AASDHPPT: variants seen among roughly 807,000 people sequenced by gnomAD.
AASDHPPT encodes the protein L-aminoadipate-semialdehyde dehydrogenase-phosphopantetheinyl transferase.
AASDHPPT carries 23 observed loss-of-function variants against 36.4 expected under a neutral mutation model. The ratio of observed to expected loss-of-function variants is 0.63; its 90% CI spans 0.45 to 0.89. The LOEUF is 0.89. AASDHPPT is among the 40% of genes least tolerant of loss of function. AASDHPPT has a pLI of 0.00. For missense variants in AASDHPPT, 377 were observed against 378.2 expected, an observed-to-expected ratio of 1.00 and a Z score of 0.03; for synonymous variants, 115 against 128.0, an observed-to-expected ratio of 0.90 and a Z score of 0.68.
rs780744937 is a variant in AASDHPPT, at chr11:106,077,669, C to A, written c.-42C>A. On this transcript the variant is annotated 5_prime_UTR_variant, in exon 1 of 6. Transcript: ENST00000278618. ...GGGGGTGGGGCCACGTTTGCGTCCG[C>A]GCCATCAGGCCCGAGATAGCGGCGA... is the stretch of plus-strand genomic sequence containing the variant. 2.5e-6 allele frequency: 4 copies of A among 1,591,432 alleles called. No homozygotes were observed. Among genetic ancestry groups the A allele is most frequent in the Non-Finnish European group, 3.4e-6 (4 of 1,165,028 alleles).
intron 2 of AASDHPPT, among the ~76,000 whole-genome samples, chr11:106,087,318 C>G (rs920539029): frequency 6.6e-6 from 1 of 152,066 alleles, no homozygotes; most frequent in Non-Finnish European, 1.5e-5. Context: ...ATAAGCATTA[C>G]GGTGTACATA....
chr11:106,084,556 C>G (rs1239305521), intron 2 of AASDHPPT, among the ~76,000 whole-genome samples: 1 of 152,110 alleles, frequency 6.6e-6, no homozygotes, highest in African/African-American at 2.4e-5. Flanking sequence ...CCTCAGCCTC[C>G]CAAGTGCTAG....
In AASDHPPT at chr11:106,097,691, G is replaced by A. The variant is rs1861330950; in HGVS notation, c.*784G>A. ...GTCTCTCATTTGTTTTATCCATGAG[G>A]AAGATTTTTAACAAAAGCCTCCAGA... On this transcript the variant is annotated 3_prime_UTR_variant, in exon 6 of 6. Coordinates refer to ENST00000278618, the MANE Select transcript of AASDHPPT (RefSeq NM_015423.3). 6.6e-6 allele frequency: 1 copy of A among 152,118 alleles called. No homozygotes were observed. Among genetic ancestry groups the A allele is most frequent in the Non-Finnish European group, 1.5e-5 (1 of 68,004 alleles). The allele number at this position is 152,118 out of a possible 1,614,324, so 9.4% of individuals were successfully genotyped here.
chr11:106,082,981 A>AT (rs1236133151), intron 2 of AASDHPPT, among the ~76,000 whole-genome samples: 1 of 152,108 alleles, frequency 6.6e-6, no homozygotes, highest in African/African-American at 2.4e-5. Context: ...AAGGACCAGA[A>AT]TTTTCCCCCT....
At position 106,090,655 on chromosome 11, in the gene AASDHPPT, C is replaced by T. The variant is rs371166167; in HGVS notation, c.508C>T (p.Leu170=). ...AAGCTTTAAGGATGAGTGGACTCAG[C>T]TGGATATGTTTTATAGGAATTGGGT... ...IRSFKDEWTQ[L]DMFYRNWALK... is the part of the protein sequence containing the mutation. The change falls in exon 3 of 6, where the codon CTG becomes TTG. Residue 170 remains leucine, a synonymous_variant. Coordinates refer to ENST00000278618, the MANE Select transcript of AASDHPPT (RefSeq NM_015423.3). The T allele has an allele frequency of 1.3e-6, 2 of 1,591,332 alleles. No homozygotes were observed. The highest frequency in any genetic ancestry group is 1.7e-6 in the Non-Finnish European group (2 of 1,170,182).
At chr11:106,088,179 T>C (rs1049283668) in intron 2 of AASDHPPT, among the ~76,000 whole-genome samples, 21 of 152,158 alleles carry the variant, frequency 1.4e-4, no homozygotes, top group Admixed American at 1.3e-3. Context: ...TAATGAGTTA[T>C]GTGATTGCTT....
intron 1 of AASDHPPT, 32 bp from the exon 2 acceptor site, chr11:106,079,435 A>G (rs776159738): frequency 4.6e-6 from 7 of 1,535,722 alleles, no homozygotes; most frequent in Middle Eastern, 1.8e-4. Flanking sequence ...AGTAGACATC[A>G]GTACATACCA....
At chr11:106,085,600 C>T (rs1347988241) in intron 2 of AASDHPPT, among the ~76,000 whole-genome samples, 1 of 152,116 alleles carries the variant, frequency 6.6e-6, no homozygotes, top group African/African-American at 2.4e-5. Context: ...TGAAATGCCC[C>T]TCTAAATATC....
At chr11:106,090,420 G>T (rs939914061) in intron 2 of AASDHPPT, 137 bp from the exon 3 acceptor site, 4 of 613,634 alleles carry the variant, frequency 6.5e-6, no homozygotes, top group South Asian at 2.9e-5. Context: ...TTTTGTTTAG[G>T]ATTATTTTAA....
intron 2 of AASDHPPT, among the ~76,000 whole-genome samples, chr11:106,086,631 A>T (rs1861200956): frequency 1.3e-5 from 2 of 151,974 alleles, no homozygotes; most frequent in South Asian, 4.2e-4. Flanking sequence ...TCCAGCATTA[A>T]CTCTAAATCT....
chr11:106,084,381 G>A (rs1021659289), intron 2 of AASDHPPT, among the ~76,000 whole-genome samples: 1 of 152,122 alleles, frequency 6.6e-6, no homozygotes, highest in Non-Finnish European at 1.5e-5. Flanking sequence ...AATTAATGGT[G>A]GATGCATTCT....
At chr11:106,094,928 C>T (rs970321884) in intron 5 of AASDHPPT, among the ~76,000 whole-genome samples, 3 of 152,072 alleles carry the variant, frequency 2.0e-5, no homozygotes, top group Non-Finnish European at 1.5e-5. Context: ...GAGTTCCAGA[C>T]CAGCCTGACC....
intron 2 of AASDHPPT, among the ~76,000 whole-genome samples, chr11:106,083,151 G>A (rs918215064): frequency 1.3e-5 from 2 of 152,018 alleles, no homozygotes; most frequent in Admixed American, 6.6e-5. Flanking sequence ...CACCCTCAAG[G>A]AGTTTTCCTC....
chr11:106,085,158 G>C (rs1229206941), intron 2 of AASDHPPT, among the ~76,000 whole-genome samples: 1 of 151,572 alleles, frequency 6.6e-6, no homozygotes, highest in Non-Finnish European at 1.5e-5. Flanking sequence ...CTGGAGTGCA[G>C]TGGCGTGATC....
intron 2 of AASDHPPT, among the ~76,000 whole-genome samples, chr11:106,081,883 G>A (rs1293117951): frequency 6.6e-6 from 1 of 151,930 alleles, no homozygotes; most frequent in Non-Finnish European, 1.5e-5. Flanking sequence ...GGGAGGGATA[G>A]CATTAGGAGA....
intron 2 of AASDHPPT, among the ~76,000 whole-genome samples, chr11:106,084,705 C>T (rs1466079138): frequency 1.3e-5 from 2 of 151,962 alleles, no homozygotes; most frequent in African/African-American, 4.8e-5. Context: ...GCTTGGCTCA[C>T]TGCAAGCTCT....
chr11:106,091,596 T>C (rs1861257854), intron 4 of AASDHPPT, 119 bp downstream of exon 4: 2 of 990,074 alleles, frequency 2.0e-6, no homozygotes, highest in Non-Finnish European at 2.9e-6. Context: ...GTCCTGCTGC[T>C]CTGAAAGTGA....
chr11:106,085,364 G>A (rs1001446730), intron 2 of AASDHPPT, among the ~76,000 whole-genome samples: 3 of 152,182 alleles, frequency 2.0e-5, no homozygotes, highest in African/African-American at 7.2e-5. Context: ...GCCTCCCAAA[G>A]TGCTGGGATT....
chr11:106,088,904 A>T (rs1328112840), intron 2 of AASDHPPT, among the ~76,000 whole-genome samples: 1 of 152,078 alleles, frequency 6.6e-6, no homozygotes, highest in East Asian at 1.9e-4. Flanking sequence ...ATACTTCCTG[A>T]TGAACTAAGA....
Sources: gnomAD v4.1 joint callset for allele counts (sites outside exome capture counted in the v4.1 genomes callset) on GRCh38, gnomAD v4.1.1 for gene constraint, MANE v1.5 for transcripts, NCBI Gene and HGNC (gene_info 2026-07-23, HGNC 2026-07-21) for gene names.